The following SEMA6C variants were observed in gnomAD, a reference collection of about 807,000 sequenced individuals.
The protein encoded by SEMA6C is semaphorin-6C.
A neutral mutation model predicts 72.9 loss-of-function variants in SEMA6C; 37 were observed. The ratio of observed to expected loss-of-function variants is 0.51; its 90% CI spans 0.39 to 0.67. The LOEUF is 0.67. SEMA6C is among the 30% of genes least tolerant of loss of function. The probability of loss-of-function intolerance (pLI) is 0.00; values close to 1 mark genes in which losing one functional copy is unlikely to be tolerated. For synonymous variants in SEMA6C, 578 were observed against 554.1 expected (o/e 1.04, Z -0.61); for missense variants, 1,189 against 1,263.6 (o/e 0.94, Z 0.89).
chr1:151,135,126 C>T (rs756248560), intron 15 of SEMA6C, 37 bp downstream of exon 15: 1 of 1,606,082 alleles, frequency 6.2e-7, no homozygotes, highest in South Asian at 1.1e-5. Flanking sequence ...GCCCGGGGAG[C>T]TTGCCCACAC....
Position 151,138,368 on chromosome 1 carries a change from C to G in SEMA6C, c.495G>C (p.Gly165=). ...SLQQEGEELS[G]QARCPFDATQ... ...TGGCATCAAAGGGGCATCGAGCCTG[C>G]CCACTCAGTTCCTCACCCTCCTGCT... Residue 165 remains glycine (G), a synonymous_variant, in exon 8 of 19, where the codon GGG becomes GGC. Transcript: ENST00000368914. 6.2e-7 allele frequency: 1 copy of G among 1,613,996 alleles called. No individual in the cohort carries two copies. Among genetic ancestry groups the G allele is most frequent in the African/African-American group, 1.3e-5 (1 of 75,068 alleles).
At position 151,133,181 on chromosome 1, in the gene SEMA6C, G is replaced by C; in HGVS notation, c.2096C>G (p.Pro699Arg). Residue 699 changes from proline to arginine, a missense_variant, in exon 19 of 19, where the codon CCC becomes CGC. Pro to Arg is a moderately radical substitution (Grantham distance 103). Transcript: ENST00000368914. This position sits in a 1 kb window ranked among gnomAD's most constrained non-coding sequence, Gnocchi z 5.9. ...CAGCTCCGGCGTGGACTCGGGGGTG[G>C]GCAGGCAGGCCAGCTCCGGCGGGGG... ...GVPPPELACL[P>R]TPESTPELPV... 1 of 1,562,242 alleles carries C rather than the reference G, an allele frequency of 6.4e-7. No homozygotes were observed. The highest frequency in any genetic ancestry group is 8.6e-7 in the Non-Finnish European group (1 of 1,164,566).
intron 10 of SEMA6C, 114 bp downstream of exon 10, chr1:151,137,597 G>T: frequency 1.2e-6 from 1 of 861,712 alleles, no homozygotes; most frequent in Non-Finnish European, 1.9e-6. Flanking sequence ...AGGGGTGAGA[G>T]TCCAGGGGAT....
chr1:151,139,646 G>A lies in SEMA6C; in HGVS notation c.289C>T (p.Pro97Ser), dbSNP rs777272882. ...CCCACACAGCCCCTCACCTTGTTGGGCACCAGCCCCTCCCCTTCTTCTTCG... is the reference window on the plus strand; with the variant it reads ...CCCACACAGCCCCTCACCTTGTTGGACACCAGCCCCTCCCCTTCTTCTTCG... ...QAEEEGEGLV[P>S]NKYLTWRSQD... Residue 97 changes from proline (P) to serine (S), a missense_variant, in exon 5 of 19, where the codon CCC becomes TCC. Coordinates refer to ENST00000368914, the MANE Select transcript of SEMA6C (RefSeq NM_030913.6). The A allele has an allele frequency of 1.9e-6, 3 of 1,606,880 alleles. No homozygotes were observed. The highest frequency in any genetic ancestry group is 2.6e-6 in the Non-Finnish European group (3 of 1,174,694).
rs780401681 is a variant in SEMA6C, at chr1:151,138,357, C to T, written c.506G>A (p.Cys169Tyr). 1 of 1,614,058 alleles carries T rather than the reference C, an allele frequency of 6.2e-7. No homozygotes were observed. The highest frequency in any genetic ancestry group is 8.5e-7 in the Non-Finnish European group (1 of 1,179,950). ...EGEELSGQAR[C>Y]PFDATQSNVA... ...GTTGGACTGGGTGGCATCAAAGGGGCATCGAGCCTGCCCACTCAGTTCCTC... is the reference window on the plus strand; with the variant it reads ...GTTGGACTGGGTGGCATCAAAGGGGTATCGAGCCTGCCCACTCAGTTCCTC... Residue 169 changes from cysteine to tyrosine, a missense_variant, in exon 8 of 19, where the codon TGC (cysteine) becomes TAC (tyrosine). Coordinates refer to ENST00000368914, the MANE Select transcript of SEMA6C (RefSeq NM_030913.6).
intron 7 of SEMA6C, 41 bp downstream of exon 7, chr1:151,138,589 C>T (rs755267779): frequency 2.4e-5 from 37 of 1,574,356 alleles, no homozygotes; most frequent in Middle Eastern, 3.4e-4. Flanking sequence ...ATCTTGGGGT[C>T]CCCCCAACTC....
chr1:151,137,471 AG>A (rs1682141357), intron 10 of SEMA6C, among the ~76,000 whole-genome samples: 1 of 150,498 alleles, frequency 6.6e-6, no homozygotes, highest in Admixed American at 6.6e-5. Context: ...AAGAGCACCA[AG>A]GGAGCAATGT....
intron 4 of SEMA6C, 119 bp downstream of exon 4, chr1:151,139,857 C>T: frequency 8.1e-7 from 1 of 1,228,888 alleles, no homozygotes; most frequent in East Asian, 2.5e-5. Flanking sequence ...AGCATGTCCA[C>T]ACCCCGTGGC....
chr1:151,138,447 T>C, intron 7 of SEMA6C, 41 bp from the exon 8 acceptor site: 1 of 1,581,160 alleles, frequency 6.3e-7, no homozygotes, highest in Non-Finnish European at 8.7e-7. Flanking sequence ...CTTTAGGGTC[T>C]TGGAGTCTGG....
chr1:151,132,947 G>T lies in SEMA6C; in HGVS notation c.2330C>A (p.Pro777Gln). The T allele has an allele frequency of 7.1e-7, 1 of 1,407,192 alleles. No homozygotes were observed. The highest frequency in any genetic ancestry group is 9.3e-7 in the Non-Finnish European group (1 of 1,077,550). The allele number at this position is 1,407,192 out of a possible 1,614,324, so 87.2% of individuals were successfully genotyped here. A position where few individuals can be genotyped will look rare whatever the true frequency, so the allele number is the denominator to read the frequency against. The change falls in exon 19 of 19, where the codon CCG (proline) becomes CAG (glutamine). Residue 777 changes from proline (P) to glutamine (Q), a missense_variant. Pro to Gln is a moderately conservative substitution (Grantham distance 76). Coordinates refer to ENST00000368914, the MANE Select transcript of SEMA6C (RefSeq NM_030913.6). ...LEELLRYLHG[P>Q]QPPRKGAEPP... ...CTCGGCCCCCTTTCTGGGCGGCTGCGGGCCGTGCAGGTAGCGCAGCAGTTC... is the reference window on the plus strand; with the variant it reads ...CTCGGCCCCCTTTCTGGGCGGCTGCTGGCCGTGCAGGTAGCGCAGCAGTTC...
rs750210312 is a variant in SEMA6C at position 151,134,357 on chromosome 1, G to T, written c.1759+44C>A. 22 of 1,528,360 alleles carry T rather than the reference G, an allele frequency of 1.4e-5. No homozygotes were observed. In the Admixed American group the frequency reaches 2.7e-4, roughly 19 times the overall value. The allele number at this position is 1,528,360 out of a possible 1,614,324, so 94.7% of individuals were successfully genotyped here. ...TGCTACAGGACACACACTCAGGTAT[G>T]TGGGCTGAGCAAGGGAAGGTGAGGT... On this transcript the variant is annotated intron_variant, in intron 18 of 18. Coordinates refer to ENST00000368914, the MANE Select transcript of SEMA6C (RefSeq NM_030913.6).
intron 2 of SEMA6C, among the ~76,000 whole-genome samples, chr1:151,143,317 G>A (rs751491652): frequency 2.9e-4 from 44 of 152,180 alleles, no homozygotes; most frequent in Non-Finnish European, 5.6e-4. Flanking sequence ...TGGTGGGGGG[G>A]ACTGTCTTCG....
chr1:151,135,845 C>G (rs1681976251), intron 13 of SEMA6C, 81 bp from the exon 14 acceptor site: 1 of 1,531,462 alleles, frequency 6.5e-7, no homozygotes, highest in South Asian at 1.2e-5. Flanking sequence ...GCCTTGGTAG[C>G]TGTGCCTGTG....
intron 9 of SEMA6C, 86 bp downstream of exon 9, chr1:151,137,900 C>G: frequency 6.3e-7 from 1 of 1,586,000 alleles, no homozygotes; most frequent in Non-Finnish European, 8.6e-7. Flanking sequence ...ATACACACTA[C>G]CACACCATTT....
chr1:151,142,198 G>A (rs587674037), intron 3 of SEMA6C, among the ~76,000 whole-genome samples: 8 of 152,146 alleles, frequency 5.3e-5, no homozygotes, highest in Non-Finnish European at 8.8e-5. Context: ...CACAATGTCC[G>A]GCTATTTTTT....
At chr1:151,138,778 G>A (rs779470356) in intron 6 of SEMA6C, 47 bp from the exon 7 acceptor site, 24 of 1,429,436 alleles carry the variant, frequency 1.7e-5, no homozygotes, top group Non-Finnish European at 1.9e-5. Flanking sequence ...TCCTGGGACT[G>A]AGAACAGGAG....
At chr1:151,140,163 C>T (rs1322536727) in intron 3 of SEMA6C, 73 bp from the exon 4 acceptor site, 1 of 1,234,430 alleles carries the variant, frequency 8.1e-7, no homozygotes, top group Non-Finnish European at 1.2e-6. Flanking sequence ...CCAGATGAAA[C>T]CCAGCAGTGG....
At position 151,132,848 on chromosome 1, in the gene SEMA6C, C is replaced by G. The variant is rs1026832588; in HGVS notation, c.2429G>C (p.Arg810Thr). The G allele has an allele frequency of 1.5e-5, 19 of 1,277,528 alleles. No homozygotes were observed. In the African/African-American group the frequency reaches 2.7e-4, roughly 18 times the overall value. 79.1% of individuals were successfully genotyped at this position (1,277,528 alleles called of 1,614,324 possible). A position where few individuals can be genotyped will look rare whatever the true frequency, so the allele number is the denominator to read the frequency against. The stretch of plus-strand genomic sequence containing the variant: ...CAGCGGCGAGGCGCACTCGTGGGGC[C>G]TGGGGCTGGGGCCGCCCAAGAGGGC... ...APALLGGPSP[R>T]PHECASPLRL... Residue 810 changes from arginine to threonine, a missense_variant, in exon 19 of 19, where the codon AGG becomes ACG. By Grantham distance (71) the Arg-to-Thr change is moderately conservative (BLOSUM62 -1). Coordinates refer to ENST00000368914, the MANE Select transcript of SEMA6C (RefSeq NM_030913.6).
chr1:151,138,427 T>C, intron 7 of SEMA6C, 21 bp from the exon 8 acceptor site: 2 of 1,607,174 alleles, frequency 1.2e-6, no homozygotes, highest in Non-Finnish European at 1.7e-6. Context: ...AGGGAGCAGA[T>C]GCCTGGAACC....
Sources: allele counts gnomAD v4.1 joint callset (sites outside exome capture counted in the v4.1 genomes callset), GRCh38; gene constraint gnomAD v4.1.1; non-coding constraint Gnocchi (gnomAD v3.1); transcripts MANE v1.5; gene names NCBI Gene and HGNC (gene_info 2026-07-23, HGNC 2026-07-21).